CLTB: variants seen among roughly 807,000 people sequenced by gnomAD.
CLTB encodes the protein clathrin light chain B.
CLTB carries 10 observed loss-of-function variants against 30.5 expected under a neutral mutation model. That is an observed-to-expected ratio of 0.33 (90% confidence interval 0.20 to 0.56). The LOEUF (loss-of-function observed/expected upper bound fraction) is 0.56, where lower values mean the gene tolerates loss of function less well. Among genes scored for constraint, CLTB ranks in the 20% least tolerant of loss-of-function variants. The probability of loss-of-function intolerance (pLI) is 0.91; values close to 1 mark genes in which losing one functional copy is unlikely to be tolerated. For missense variants in CLTB, 261 were observed against 308.3 expected, an observed-to-expected ratio of 0.85 and a Z score of 1.15; for synonymous variants, 102 against 120.3, an observed-to-expected ratio of 0.85 and a Z score of 1.00.
chr5:176,410,395 T>C (rs1368811260), intron 1 of CLTB, 92 bp from the exon 2 acceptor site: 3 of 916,402 alleles, frequency 3.3e-6, no homozygotes, highest in Non-Finnish European at 5.2e-6. Flanking sequence ...CCAAACTCTG[T>C]GTATACCCAT....
At chr5:176,400,959 G>A (rs1222484358) in intron 2 of CLTB, among the ~76,000 whole-genome samples, 4 of 152,218 alleles carry the variant, frequency 2.6e-5, no homozygotes, top group Admixed American at 6.5e-5. Flanking sequence ...CCTGGGGAGT[G>A]AGGGAAGGGC....
At chr5:176,399,153 C>T (rs55827151) in intron 2 of CLTB, among the ~76,000 whole-genome samples, 32,691 of 151,864 alleles carry the variant, frequency 0.22, 3,543 homozygotes, top group Middle Eastern at 0.27. Context: ...CCAAAAGGAC[C>T]TTACTTTATA....
chr5:176,416,247 C>T lies in CLTB; in HGVS notation c.117G>A (p.Glu39=), dbSNP rs1302323349. 1 of 1,601,918 alleles carries T rather than the reference C, an allele frequency of 6.2e-7. No homozygotes were observed. Among genetic ancestry groups the T allele is most frequent in the East Asian group, 2.3e-5 (1 of 43,184 alleles). The change falls in exon 1 of 6, where the codon GAG becomes GAA. Residue 39 remains glutamate (E), a synonymous_variant. Coordinates refer to ENST00000310418, the MANE Select transcript of CLTB (RefSeq NM_007097.5). The part of the protein sequence containing the change: ...AQQESEIAGI[E]NDEGFGAPAG... ...CAGGTGCCCCGAAGCCCTCGTCGTTCTCTATGCCTGCAATCTCGCTCTCCT... is the reference window on the plus strand; with the variant it reads ...CAGGTGCCCCGAAGCCCTCGTCGTTTTCTATGCCTGCAATCTCGCTCTCCT...
Position 176,401,610 on chromosome 5 carries a change from G to A in CLTB, c.235-3563C>T, listed in dbSNP as rs773800042. On this transcript the variant is annotated intron_variant, in intron 2 of 5. Coordinates refer to ENST00000310418, the MANE Select transcript of CLTB (RefSeq NM_007097.5). ...TTTAGGGTGACATCCACATGGCATC[G>A]AGACCTCAGCCTTTAGGTCTATCAG... 252 of 400,314 alleles carry A rather than the reference G, an allele frequency of 6.3e-4. 1 individual carries two copies. The highest frequency in any genetic ancestry group is 1.1e-3 in the Non-Finnish European group (217 of 197,870). 24.8% of individuals were successfully genotyped at this position (400,314 alleles called of 1,614,324 possible).
chr5:176,405,228 A>T (rs1282633149), intron 2 of CLTB, among the ~76,000 whole-genome samples: 1 of 151,928 alleles, frequency 6.6e-6, no homozygotes, highest in Non-Finnish European at 1.5e-5. Context: ...AGCGGCTCAC[A>T]CCTGTAATCC....
Position 176,393,064 on chromosome 5 carries a change from C to G in CLTB, c.519-119G>C. 1.7e-6 allele frequency: 2 copies of G among 1,158,312 alleles called. No homozygotes were observed. The allele number at this position is 1,158,312 out of a possible 1,614,324, so 71.8% of individuals were successfully genotyped here. A position where few individuals can be genotyped will look rare whatever the true frequency, so the allele number is the denominator to read the frequency against. On this transcript the variant is annotated intron_variant, in intron 5 of 5. Transcript: ENST00000310418. The surrounding 1 kb of genome is among the most constrained non-coding windows in gnomAD (Gnocchi z 4.4). The stretch of plus-strand genomic sequence containing the variant: ...ACTGTGTCCTCCCCAGCCTTGTGCC[C>G]CCCTGACTTCAGAGGAGGGCAGCCT...
In CLTB at chr5:176,401,806, C is replaced by T. The variant is rs1206302012; in HGVS notation, c.235-3759G>A. On this transcript the variant is annotated intron_variant, in intron 2 of 5. Coordinates refer to ENST00000310418, the MANE Select transcript of CLTB (RefSeq NM_007097.5). Reference sequence around the variant, plus strand: ...GGTGCTGAGGCCCCAGCCTCCTGTTCGTCCTTGATTTCTCCTTCCTTCCCA... The same window carrying T: ...GGTGCTGAGGCCCCAGCCTCCTGTTTGTCCTTGATTTCTCCTTCCTTCCCA... The T allele has an allele frequency of 1.1e-5, 5 of 455,234 alleles. No individual in the cohort carries two copies. In the East Asian group the frequency reaches 2.8e-4, roughly 25 times the overall value. The allele number at this position is 455,234 out of a possible 1,614,324, so 28.2% of individuals were successfully genotyped here.
chr5:176,408,539 G>GAA (rs746561617), intron 2 of CLTB, among the ~76,000 whole-genome samples: 13 of 118,576 alleles, frequency 1.1e-4, no homozygotes, highest in South Asian at 2.7e-4. Context: ...TCCATCTCAG[G>GAA]AAAAAAAAAA....
At position 176,392,562 on chromosome 5, in the gene CLTB, T is replaced by C. The variant is rs948916066; in HGVS notation, c.*212A>G. 1 of 568,500 alleles carries C rather than the reference T, an allele frequency of 1.8e-6. No individual in the cohort carries two copies. Among genetic ancestry groups the C allele is most frequent in the Non-Finnish European group, 3.1e-6 (1 of 318,828 alleles). The allele number at this position is 568,500 out of a possible 1,614,324, so 35.2% of individuals were successfully genotyped here. On this transcript the variant is annotated 3_prime_UTR_variant, in exon 6 of 6. Coordinates refer to ENST00000310418, the MANE Select transcript of CLTB (RefSeq NM_007097.5). This position sits in a 1 kb window ranked among gnomAD's most constrained non-coding sequence, Gnocchi z 5.2. The stretch of plus-strand genomic sequence containing the variant: ...ATCAGGAGGGACAGTCACAATTGAG[T>C]AGACTGAGAGGAGGCGTGAGGGGCT...
chr5:176,392,960 AG>A lies in CLTB; in HGVS notation c.519-16del. Reference sequence around the variant, plus strand: ...CCTCGGATGCCCTGCGGGTGGAGATAGGACGGGCTTTTATAGCAGTCTGCTT... The same window carrying A: ...CCTCGGATGCCCTGCGGGTGGAGATAGACGGGCTTTTATAGCAGTCTGCTT... On this transcript the variant is annotated splice_polypyrimidine_tract_variant and intron_variant, in intron 5 of 5. Transcript: ENST00000310418. The surrounding 1 kb of genome is among the most constrained non-coding windows in gnomAD (Gnocchi z 5.2). 1 of 1,613,940 alleles carries A rather than the reference AG, an allele frequency of 6.2e-7. No individual in the cohort carries two copies. Among genetic ancestry groups the A allele is most frequent in the Non-Finnish European group, 8.5e-7 (1 of 1,179,920 alleles).
rs1217285043 is a variant in CLTB at position 176,392,675 on chromosome 5, T to C, written c.*99A>G. ...AGATGGGGAGGAGTGGAATAGGCTG[T>C]GGGTAGCAGCTGCTGCGAGTCTCCA... On this transcript the variant is annotated 3_prime_UTR_variant, in exon 6 of 6. Transcript: ENST00000310418. The surrounding 1 kb of genome is among the most constrained non-coding windows in gnomAD (Gnocchi z 5.2). The C allele has an allele frequency of 5.0e-6, 7 of 1,386,770 alleles. No homozygotes were observed. Among genetic ancestry groups the C allele is most frequent in the African/African-American group, 1.4e-5 (1 of 70,870 alleles). The allele number at this position is 1,386,770 out of a possible 1,614,324, so 85.9% of individuals were successfully genotyped here.
At chr5:176,405,061 G>A (rs1757036068) in intron 2 of CLTB, among the ~76,000 whole-genome samples, 1 of 152,218 alleles carries the variant, frequency 6.6e-6, no homozygotes, top group Non-Finnish European at 1.5e-5. Flanking sequence ...GGGAGATCAA[G>A]CACGTAAAGC....
intron 1 of CLTB, among the ~76,000 whole-genome samples, chr5:176,415,196 C>CAATCATAATA (rs1370764801): frequency 3.9e-5 from 6 of 152,098 alleles, no homozygotes; most frequent in Non-Finnish European, 7.4e-5. Context: ...GGTCTGAAGC[C>CAATCATAATA]AATCACAGTA....
At position 176,392,809 on chromosome 5, in the gene CLTB, G is replaced by C. The variant is rs1425477712; in HGVS notation, c.655C>G (p.Leu219Val). ...AGTGGCGTCTGCTTCAGGGACATGA[G>C]CACCGAGCGCAGGCGGGACACATCT... ...CKDVSRLRSV[L>V]MSLKQTPLSR Residue 219 changes from leucine to valine, a missense_variant, in exon 6 of 6, where the codon CTC becomes GTC. By Grantham distance (32) the Leu-to-Val change is conservative. Coordinates refer to ENST00000310418, the MANE Select transcript of CLTB (RefSeq NM_007097.5). This position sits in a 1 kb window ranked among gnomAD's most constrained non-coding sequence, Gnocchi z 5.2. 8 of 1,614,250 alleles carry C rather than the reference G, an allele frequency of 5.0e-6. No individual in the cohort carries two copies. The highest frequency in any genetic ancestry group is 6.8e-6 in the Non-Finnish European group (8 of 1,180,046).
At chr5:176,411,234 C>G (rs1757414016) in intron 1 of CLTB, among the ~76,000 whole-genome samples, 1 of 152,230 alleles carries the variant, frequency 6.6e-6, no homozygotes, top group Admixed American at 6.5e-5. Context: ...CACAGGCCCC[C>G]TTGACTCCAG....
At chr5:176,406,755 C>T in intron 2 of CLTB, 1 of 1,253,422 alleles carries the variant, frequency 8.0e-7, no homozygotes, top group Non-Finnish European at 1.0e-6. Context: ...TGTCTGGGAT[C>T]CTTGAAAGTG....
In CLTB at chr5:176,392,982, T is replaced by G. The variant is rs367909475; in HGVS notation, c.519-37A>C. ...GATAGGACGGGCTTTTATAGCAGTCTGCTTTCCCCCAGCCTTGCCCTTGAG... is the reference window on the plus strand; with the variant it reads ...GATAGGACGGGCTTTTATAGCAGTCGGCTTTCCCCCAGCCTTGCCCTTGAG... On this transcript the variant is annotated intron_variant, in intron 5 of 5. Transcript: ENST00000310418. This position sits in a 1 kb window ranked among gnomAD's most constrained non-coding sequence, Gnocchi z 5.2. The G allele has an allele frequency of 3.7e-5, 60 of 1,612,562 alleles. No individual in the cohort carries two copies. The highest frequency in any genetic ancestry group is 1.7e-4 in the Middle Eastern group (1 of 6,044).
At chr5:176,403,016 T>C (rs1386954045) in intron 2 of CLTB, among the ~76,000 whole-genome samples, 2 of 151,152 alleles carry the variant, frequency 1.3e-5, no homozygotes, top group Non-Finnish European at 2.9e-5. Context: ...TCTGTATCCT[T>C]CAGGGCCCGC....
chr5:176,408,815 C>T (rs1362830290), intron 2 of CLTB, among the ~76,000 whole-genome samples: 3 of 152,222 alleles, frequency 2.0e-5, no homozygotes, highest in African/African-American at 7.2e-5. Flanking sequence ...CCGCCGTGCC[C>T]GGCTGGGTTT....
Sources: allele counts gnomAD v4.1 joint callset (sites outside exome capture counted in the v4.1 genomes callset), GRCh38; gene constraint gnomAD v4.1.1; non-coding constraint Gnocchi (gnomAD v3.1); transcripts MANE v1.5; gene names NCBI Gene and HGNC (gene_info 2026-07-23, HGNC 2026-07-21).